DHX32: variants seen among roughly 807,000 people sequenced by gnomAD.
The protein encoded by DHX32 is putative pre-mRNA-splicing factor ATP-dependent RNA helicase DHX32.
A neutral mutation model predicts 70.0 loss-of-function variants in DHX32; 51 were observed. The ratio of observed to expected loss-of-function variants is 0.73; its 90% confidence interval spans 0.58 to 0.92. The LOEUF is 0.92. DHX32 is among the 40% of genes least tolerant of loss of function. DHX32 has a pLI of 0.00. For missense variants in DHX32, 762 were observed against 891.8 expected, an observed-to-expected ratio of 0.85 and a Z score of 1.85; for synonymous variants, 310 against 315.3, an observed-to-expected ratio of 0.98 and a Z score of 0.18.
rs61870743 is a variant in DHX32, at chr10:125,888,128, C to T, written c.-247-7057G>A. ...TACATATTTATATGTAAAATATACACGCCTTGCCTTTTAAAAATTATTATG... is the reference window on the plus strand; with the variant it reads ...TACATATTTATATGTAAAATATACATGCCTTGCCTTTTAAAAATTATTATG... On this transcript the variant is annotated intron_variant, in intron 1 of 2. Transcript: ENST00000415732. 2.4e-4 allele frequency among the ~76,000 whole-genome samples: 35 copies of T among 147,146 alleles called. No homozygotes were observed. The East Asian group carries it at 5.0e-3, about 21-fold the overall frequency.
In DHX32 at chr10:125,880,877, A is replaced by G. The variant is rs533738783; in HGVS notation, c.-53T>C. 13 of 1,571,942 alleles carry G rather than the reference A, an allele frequency of 8.3e-6. No homozygotes were observed. In the African/African-American group the frequency reaches 1.1e-4, roughly 13 times the overall value. On this transcript the variant is annotated 5_prime_UTR_variant, in exon 1 of 11. Transcript: ENST00000284690. Reference sequence around the variant, plus strand: ...GACATTCCACAAGCAAGTTTCTCCTATCAGTAACCCATTGCAAACAGGGCT... The same window carrying G: ...GACATTCCACAAGCAAGTTTCTCCTGTCAGTAACCCATTGCAAACAGGGCT...
intron 1 of DHX32, among the ~76,000 whole-genome samples, chr10:125,895,519 G>C (rs1029889913): frequency 3.3e-5 from 5 of 152,032 alleles, no homozygotes; most frequent in Non-Finnish European, 7.4e-5. Flanking sequence ...ATACTCTCCT[G>C]GTTGTTTGAA....
chr10:125,869,781 C>T lies in DHX32; in HGVS notation c.283-2598G>A, dbSNP rs149237159. 3.7e-3 allele frequency among the ~76,000 whole-genome samples: 570 copies of T among 152,162 alleles called. 3 individuals are homozygous for T. The highest frequency in any genetic ancestry group is 6.8e-3 in the Non-Finnish European group (461 of 68,016). On this transcript the variant is annotated intron_variant, in intron 1 of 10. Transcript: ENST00000284690. ...TATGTGGGAAGATCCTTAAGCTACA[C>T]GTGTGGTTTGCATTTGTTCCCAATA...
chr10:125,838,393 A>T lies in DHX32; in HGVS notation c.1882-6T>A, dbSNP rs769814763. The T allele has an allele frequency of 6.4e-7, 1 of 1,558,492 alleles. No individual in the cohort carries two copies. Among genetic ancestry groups the T allele is most frequent in the Non-Finnish European group, 8.6e-7 (1 of 1,158,192 alleles). The stretch of plus-strand genomic sequence containing the variant: ...CCATCAACATCCCGAGCAATCTGAA[A>T]GGCAGAATTTTAAAGAAAAAAGATT... On this transcript the variant is annotated splice_polypyrimidine_tract_variant and splice_region_variant and intron_variant, in intron 9 of 10. Coordinates refer to ENST00000284690, the MANE Select transcript of DHX32 (RefSeq NM_018180.3).
Position 125,880,720 on chromosome 10 carries a change from A to C in DHX32, c.105T>G (p.Cys35Trp). The C allele has an allele frequency of 1.2e-6, 2 of 1,614,224 alleles. No homozygotes were observed. Among genetic ancestry groups the C allele is most frequent in the East Asian group, 4.5e-5 (2 of 44,892 alleles). The stretch of plus-strand genomic sequence containing the variant: ...CAAAGGGGTTAAGTTCCAAATCCTC[A>C]CAGGCCAAAACCTCTTCCTCATCCC... ...SDGDEEEVLA[C>W]EDLELNPFDG... is the part of the protein sequence containing the mutation. The change falls in exon 1 of 11, where the codon TGT becomes TGG. Residue 35 changes from cysteine to tryptophan, a missense_variant. Physicochemically the swap from Cys to Trp is radical, Grantham distance 215. Around this residue, in one of 3 missense-constraint regions of DHX32, gnomAD observed 394 missense variants for 473.1 expected, o/e 0.83. Coordinates refer to ENST00000284690, the MANE Select transcript of DHX32 (RefSeq NM_018180.3).
At chr10:125,839,306 C>CGT (rs2134023084) in intron 8 of DHX32, 118 bp from the exon 9 acceptor site, 1 of 1,017,510 alleles carries the variant, frequency 9.8e-7, no homozygotes, top group African/African-American at 1.6e-5. Context: ...AAGGAGGCCA[C>CGT]GTAGGTGAGT....
At position 125,852,211 on chromosome 10, in the gene DHX32, T is replaced by C. The variant is rs1944099820; in HGVS notation, c.1351+82A>G. On this transcript the variant is annotated intron_variant, in intron 6 of 10. Transcript: ENST00000284690. Reference sequence around the variant, plus strand: ...CCATGCTTGTGTGCATTGCTGCGCATCATGTGAACTCAGGACAGAGAATGG... The same window carrying C: ...CCATGCTTGTGTGCATTGCTGCGCACCATGTGAACTCAGGACAGAGAATGG... 2.8e-5 allele frequency: 42 copies of C among 1,526,036 alleles called. No homozygotes were observed. In the South Asian group the frequency reaches 4.2e-4, roughly 15 times the overall value. The allele number at this position is 1,526,036 out of a possible 1,614,324, so 94.5% of individuals were successfully genotyped here.
At chr10:125,871,949 G>T (rs1328338084) in intron 1 of DHX32, among the ~76,000 whole-genome samples, 1 of 148,372 alleles carries the variant, frequency 6.7e-6, no homozygotes, top group Admixed American at 6.8e-5. Flanking sequence ...TGCAACCTCC[G>T]CCTCCCGGGT....
intron 10 of DHX32, among the ~76,000 whole-genome samples, chr10:125,837,822 T>C (rs1854743349): frequency 6.6e-6 from 1 of 152,208 alleles, no homozygotes; most frequent in Non-Finnish European, 1.5e-5. Flanking sequence ...TTACACCTTC[T>C]GGTGCCTGCC....
In DHX32 at chr10:125,854,147, A is replaced by C. The variant is rs745495414; in HGVS notation, c.906T>G (p.Leu302=). Reference sequence around the variant, plus strand: ...ACAAAGGAACAACCACCAGTTCTCCAAGATCTGGGTTTAGGTTAGATCCTT... The same window carrying C: ...ACAAAGGAACAACCACCAGTTCTCCCAGATCTGGGTTTAGGTTAGATCCTT... The part of the protein sequence containing the change: ...VYQGSNLNPD[L]GELVVVPLYP... The change falls in exon 4 of 11, where the codon CTT becomes CTG. Residue 302 remains leucine, a synonymous_variant. Transcript: ENST00000284690. 5.0e-6 allele frequency: 8 copies of C among 1,613,734 alleles called. No individual in the cohort carries two copies. The highest frequency in any genetic ancestry group is 6.8e-6 in the Non-Finnish European group (8 of 1,179,940).
chr10:125,854,323 C>T, intron 3 of DHX32, 120 bp from the exon 4 acceptor site: 1 of 992,402 alleles, frequency 1.0e-6, no homozygotes, highest in African/African-American at 1.7e-5. Flanking sequence ...GAAAGAAATC[C>T]CTGTGTTGCT....
At chr10:125,888,593 A>G (rs1279621262) in intron 1 of DHX32, among the ~76,000 whole-genome samples, 1 of 152,294 alleles carries the variant, frequency 6.6e-6, no homozygotes, top group Non-Finnish European at 1.5e-5. Context: ...ACACTTAAGG[A>G]TAATCTTCTA....
At chr10:125,895,360 G>A (rs1589724822) in intron 1 of DHX32, among the ~76,000 whole-genome samples, 1 of 152,236 alleles carries the variant, frequency 6.6e-6, no homozygotes, top group East Asian at 1.9e-4. Flanking sequence ...AGCAGCGGTT[G>A]GAATTAATAG....
intron 8 of DHX32, among the ~76,000 whole-genome samples, chr10:125,840,143 C>T (rs549670447): frequency 3.3e-5 from 5 of 152,206 alleles, no homozygotes; most frequent in African/African-American, 1.2e-4. Context: ...TTACTGGCTG[C>T]CCTTTATGGG....
At chr10:125,871,956 G>T (rs111622978) in intron 1 of DHX32, among the ~76,000 whole-genome samples, 1 of 150,962 alleles carries the variant, frequency 6.6e-6, no homozygotes, top group African/African-American at 2.4e-5. Flanking sequence ...TCCGCCTCCC[G>T]GGTTCAAGCA....
At chr10:125,870,679 A>C (rs893644232) in intron 1 of DHX32, among the ~76,000 whole-genome samples, 1 of 152,070 alleles carries the variant, frequency 6.6e-6, no homozygotes, top group African/African-American at 2.4e-5. Context: ...TCTATTAAAA[A>C]TACAAAAATT....
intron 1 of DHX32, among the ~76,000 whole-genome samples, chr10:125,867,511 C>T (rs894732903): frequency 1.1e-4 from 16 of 152,060 alleles, no homozygotes; most frequent in East Asian, 3.9e-4. Context: ...CCGAGGTGGG[C>T]GGATCACGAA....
At chr10:125,857,104 T>G (rs755841086) in intron 3 of DHX32, among the ~76,000 whole-genome samples, 1 of 152,220 alleles carries the variant, frequency 6.6e-6, no homozygotes, top group Non-Finnish European at 1.5e-5. Context: ...GGGGAAATGA[T>G]CAATAGCTGT....
At chr10:125,841,264 A>G in intron 7 of DHX32, 1 of 1,614,128 alleles carries the variant, frequency 6.2e-7, no homozygotes, top group Non-Finnish European at 8.5e-7. Context: ...GGAGCAGGGA[A>G]AACCTGAGGT....
Sources: gnomAD v4.1 joint callset for allele counts (sites outside exome capture counted in the v4.1 genomes callset) on GRCh38, gnomAD v4.1.1 for gene constraint, gnomAD v4.1.1 regional missense constraint, MANE v1.5 for transcripts, NCBI Gene and HGNC (gene_info 2026-07-23, HGNC 2026-07-21) for gene names.